The following ZNF425 variants were observed in gnomAD, a reference collection of about 807,000 sequenced individuals.
ZNF425 encodes the protein zinc finger protein 425.
In ZNF425, 21 loss-of-function variants were observed where a neutral mutation model predicts 17.0. The observed-to-expected ratio is 1.23, with a 90% CI of 0.88 to 1.78. The LOEUF is 1.78. Ranked by LOEUF, ZNF425 falls within the 40% of genes most tolerant of loss-of-function variation. The probability of loss-of-function intolerance (pLI) is 0.00; values close to 1 mark genes in which losing one functional copy is unlikely to be tolerated. For missense variants in ZNF425, 868 were observed against 967.3 expected (o/e 0.90, Z 1.36); for synonymous variants, 433 against 384.1 (o/e 1.13, Z -1.49).
Position 149,104,293 on chromosome 7 carries a change from GA to G in ZNF425, c.1577del (p.Phe526SerfsTer44), listed in dbSNP as rs763442490. On this transcript the variant is annotated frameshift_variant, in exon 4 of 4. Transcript: ENST00000378061. LOFTEE classifies it low-confidence loss of function (END_TRUNC). This position sits in a 1 kb window ranked among gnomAD's most constrained non-coding sequence, Gnocchi z 4.3. ...HLKVHTTEKP[F>X]SCAECGRSFR... is the part of the protein sequence containing the mutation. ...AACTGCGGCCGCACTCGGCGCAGGA[GA>G]ACGGCTTTTCCGTGGTGTGGACCTT... 2.5e-6 allele frequency: 4 copies of G among 1,613,590 alleles called. No homozygotes were observed. In the Admixed American group the frequency reaches 5.0e-5, roughly 20 times the overall value.
intron 1 of ZNF425, among the ~76,000 whole-genome samples, chr7:149,120,953 G>T (rs935216612): frequency 1.3e-5 from 2 of 151,868 alleles, no homozygotes; most frequent in Non-Finnish European, 2.9e-5. Context: ...TTTGGGGTGG[G>T]CATGTTTTTA....
At chr7:149,123,152 T>C (rs1826388375) in intron 1 of ZNF425, among the ~76,000 whole-genome samples, 1 of 152,224 alleles carries the variant, frequency 6.6e-6, no homozygotes, top group South Asian at 2.1e-4. Context: ...CAACCTCTAG[T>C]ATGGACTGAA....
In ZNF425 at chr7:149,103,328, T is replaced by C; in HGVS notation, c.*284A>G. The C allele has an allele frequency of 2.8e-6, 1 of 353,440 alleles. No homozygotes were observed. Among genetic ancestry groups the C allele is most frequent in the Non-Finnish European group, 5.1e-6 (1 of 194,792 alleles). 21.9% of individuals were successfully genotyped at this position (353,440 alleles called of 1,614,324 possible). On this transcript the variant is annotated 3_prime_UTR_variant, in exon 4 of 4. Transcript: ENST00000378061. ...GCCTCCTGGGCTCAAGCGATCCTCC[T>C]GCCTCAACCTCCCAAAGTAGCTGGG...
At chr7:149,106,134 T>C (rs1202914694) in intron 3 of ZNF425, among the ~76,000 whole-genome samples, 1 of 150,664 alleles carries the variant, frequency 6.6e-6, no homozygotes, top group East Asian at 2.0e-4. Context: ...TTTGTATTTT[T>C]AATAGAGACA....
chr7:149,112,343 A>ATT (rs1458036302), intron 2 of ZNF425, 48 bp from the exon 3 acceptor site: 1 of 1,574,286 alleles, frequency 6.4e-7, no homozygotes, highest in South Asian at 1.2e-5. Flanking sequence ...ATACTTAAAT[A>ATT]ATTTTTTTGG....
At chr7:149,120,412 G>A (rs1201777360) in intron 1 of ZNF425, among the ~76,000 whole-genome samples, 2 of 152,038 alleles carry the variant, frequency 1.3e-5, no homozygotes, top group Admixed American at 6.6e-5. Flanking sequence ...TTATATAAAT[G>A]GAATCACATG....
intron 2 of ZNF425, among the ~76,000 whole-genome samples, chr7:149,117,725 T>C (rs933010993): frequency 3.8e-5 from 5 of 132,656 alleles, no homozygotes; most frequent in African/African-American, 1.4e-4. Flanking sequence ...CGATCTTGGC[T>C]CAATGCAACC....
intron 2 of ZNF425, among the ~76,000 whole-genome samples, chr7:149,117,090 A>G (rs373718993): frequency 2.0e-5 from 3 of 152,048 alleles, no homozygotes; most frequent in Admixed American, 1.3e-4. Context: ...ATGAAAACCC[A>G]TCTCTATTAA....
intron 3 of ZNF425, among the ~76,000 whole-genome samples, chr7:149,108,774 C>T (rs180689759): frequency 4.1e-4 from 62 of 152,214 alleles, no homozygotes; most frequent in African/African-American, 1.4e-3. Flanking sequence ...TGCCTGTAGT[C>T]CCAGCTACTC....
chr7:149,117,230 C>A (rs933256084), intron 2 of ZNF425, among the ~76,000 whole-genome samples: 4 of 149,256 alleles, frequency 2.7e-5, no homozygotes, highest in African/African-American at 9.8e-5. Context: ...CACCACTGCA[C>A]TCCAGTATGG....
chr7:149,104,254 C>T lies in ZNF425; in HGVS notation c.1617G>A (p.Ala539=), dbSNP rs755343723. Residue 539 remains alanine (A), a synonymous_variant, in exon 4 of 4, where the codon GCG becomes GCA. Coordinates refer to ENST00000378061, the MANE Select transcript of ZNF425 (RefSeq NM_001001661.3). This position sits in a 1 kb window ranked among gnomAD's most constrained non-coding sequence, Gnocchi z 4.3. Reference sequence around the variant, plus strand: ...GAAGCCTCGTGTGCTCTGTGAGATGCGCGCGTCGGCGGAAACTGCGGCCGC... The same window carrying T: ...GAAGCCTCGTGTGCTCTGTGAGATGTGCGCGTCGGCGGAAACTGCGGCCGC... ...AECGRSFRRR[A]HLTEHTRLHS... is the part of the protein sequence containing the mutation. 20 of 1,613,470 alleles carry T rather than the reference C, an allele frequency of 1.2e-5. No individual in the cohort carries two copies. Among genetic ancestry groups the T allele is most frequent in the Non-Finnish European group, 1.7e-5 (20 of 1,179,818 alleles).
intron 1 of ZNF425, among the ~76,000 whole-genome samples, chr7:149,119,434 C>G (rs1282984598): frequency 6.6e-6 from 1 of 152,140 alleles, no homozygotes; most frequent in Non-Finnish European, 1.5e-5. Flanking sequence ...CCACTTTACC[C>G]AAAAGGTCAT....
At position 149,103,833 on chromosome 7, in the gene ZNF425, T is replaced by G; in HGVS notation, c.2038A>C (p.Ser680Arg). 6.2e-7 allele frequency: 1 copy of G among 1,612,764 alleles called. No homozygotes were observed. The highest frequency in any genetic ancestry group is 8.5e-7 in the Non-Finnish European group (1 of 1,179,606). Reference protein sequence around the residue: ...ECDKSYCIRGSLKVHLYKHSG... With the variant: ...ECDKSYCIRGRLKVHLYKHSG... ...TGCTTATACAAGTGGACCTTCAAGC[T>G]GCCCCTGATGCAGTAGCTCTTGTCA... Residue 680 changes from serine (S) to arginine (R), a missense_variant, in exon 4 of 4, where the codon AGC becomes CGC. Transcript: ENST00000378061.
Position 149,103,876 on chromosome 7 carries a change from G to A in ZNF425, c.1995C>T (p.Pro665=), listed in dbSNP as rs1563144127. 6.2e-7 allele frequency: 1 copy of A among 1,614,114 alleles called. No individual in the cohort carries two copies. Among genetic ancestry groups the A allele is most frequent in the Non-Finnish European group, 8.5e-7 (1 of 1,180,042 alleles). The change falls in exon 4 of 4, where the codon CCC becomes CCT. Residue 665 remains proline (P), a synonymous_variant. Coordinates refer to ENST00000378061, the MANE Select transcript of ZNF425 (RefSeq NM_001001661.3). ...EHIRVHSGEK[P]FQCPECDKSY... ...TCTTGTCACACTCCGGACACTGGAA[G>A]GGCTTCTCCCCGCTGTGGACTCGAA...
chr7:149,104,118 C>G lies in ZNF425; in HGVS notation c.1753G>C (p.Gly585Arg). 1 of 1,612,650 alleles carries G rather than the reference C, an allele frequency of 6.2e-7. No homozygotes were observed. Among genetic ancestry groups the G allele is most frequent in the Non-Finnish European group, 8.5e-7 (1 of 1,179,938 alleles). The change falls in exon 4 of 4, where the codon GGT becomes CGT. Residue 585 changes from glycine to arginine, a missense_variant. Transcript: ENST00000378061. This position sits in a 1 kb window ranked among gnomAD's most constrained non-coding sequence, Gnocchi z 4.3. ...TGCGTGTAGGTCTTGTCACACTCAC[C>G]GCACGCGAAGGGCTTCTCGTCCCTG... Reference protein sequence around the residue: ...MHRDEKPFACGECDKTYTHQS... With the variant: ...MHRDEKPFACRECDKTYTHQS...
chr7:149,114,491 G>A (rs1463686664), intron 2 of ZNF425, among the ~76,000 whole-genome samples: 8 of 150,718 alleles, frequency 5.3e-5, no homozygotes, highest in East Asian at 2.0e-4. Flanking sequence ...TCCGCCTTCC[G>A]AGTTCAAGCA....
chr7:149,114,119 T>A (rs1053692130), intron 2 of ZNF425, among the ~76,000 whole-genome samples: 4 of 151,518 alleles, frequency 2.6e-5, no homozygotes, highest in African/African-American at 9.7e-5. Flanking sequence ...AGTGCAGTGG[T>A]GTGATCTTGG....
chr7:149,124,760 C>T (rs1235229387), intron 1 of ZNF425, among the ~76,000 whole-genome samples: 2 of 151,890 alleles, frequency 1.3e-5, no homozygotes, highest in Admixed American at 6.6e-5. Flanking sequence ...AGGCTGGTCT[C>T]GAACTCCCGA....
intron 1 of ZNF425, among the ~76,000 whole-genome samples, chr7:149,124,547 GGTTTT>G (rs1826422012): frequency 6.6e-6 from 1 of 151,126 alleles, no homozygotes; most frequent in Non-Finnish European, 1.5e-5. Context: ...TGTTGTTGTT[GGTTTT>G]GTTTTTGAGA....
Sources: gnomAD v4.1 joint callset for allele counts (sites outside exome capture counted in the v4.1 genomes callset) on GRCh38, gnomAD v4.1.1 for gene constraint, Gnocchi (gnomAD v3.1) non-coding constraint, MANE v1.5 for transcripts, NCBI Gene and HGNC (gene_info 2026-07-23, HGNC 2026-07-21) for gene names.